APPL2: variants seen among roughly 807,000 people sequenced by gnomAD.
APPL2 encodes DCC-interacting protein 13-beta.
Under a neutral mutation model 92.7 loss-of-function variants are expected in APPL2, and 84 were observed. The ratio of observed to expected loss-of-function variants is 0.91; its 90% CI spans 0.76 to 1.09. The LOEUF (loss-of-function observed/expected upper bound fraction) is 1.09. APPL2 is among the 50% of genes least tolerant of loss of function. APPL2 has a pLI of 0.00. For synonymous variants in APPL2, 291 were observed against 291.0 expected (o/e 1.00, Z 0.00); for missense variants, 736 against 824.5 (o/e 0.89, Z 1.31).
At chr12:105,186,622 T>TATCTATCG (rs375988140) in intron 17 of APPL2, among the ~76,000 whole-genome samples, 1 of 125,678 alleles carries the variant, frequency 8.0e-6, no homozygotes, top group African/African-American at 3.3e-5. Flanking sequence ...ATATCATATA[T>TATCTATCG]ATATCATATA....
chr12:105,189,872 G>A (rs1489653939), intron 15 of APPL2, 48 bp from the exon 16 acceptor site: 2 of 1,612,236 alleles, frequency 1.2e-6, no homozygotes, highest in African/African-American at 2.7e-5. Context: ...GCAGCTAGAA[G>A]GGCACTTAAC....
At chr12:105,229,300 C>A in intron 1 of APPL2, 77 bp from the exon 2 acceptor site, 1 of 1,305,144 alleles carries the variant, frequency 7.7e-7, no homozygotes, top group South Asian at 1.3e-5. Flanking sequence ...ATCCACACAC[C>A]CGCACATGCA....
rs924197410 is a variant in APPL2 at position 105,217,556 on chromosome 12, A to G, written c.213+110T>C. ...AGGGAAAAGACAGGACAAAAAAACT[A>G]TGAAGAAAATGAAACAAATAATTTA... On this transcript the variant is annotated intron_variant, in intron 3 of 20. Coordinates refer to ENST00000258530, the MANE Select transcript of APPL2 (RefSeq NM_018171.5). 2.8e-6 allele frequency: 3 copies of G among 1,070,556 alleles called. No individual in the cohort carries two copies. In the African/African-American group the frequency reaches 4.8e-5, roughly 17 times the overall value. 66.3% of individuals were successfully genotyped at this position (1,070,556 alleles called of 1,614,324 possible).
At chr12:105,176,146 G>T (rs1023373932) in intron 19 of APPL2, 64 bp from the exon 20 acceptor site, 2 of 1,445,636 alleles carry the variant, frequency 1.4e-6, no homozygotes, top group East Asian at 4.7e-5. Flanking sequence ...TAGAACAAAT[G>T]TGATTTGGGA....
intron 17 of APPL2, among the ~76,000 whole-genome samples, chr12:105,184,515 TCTGCAGGTCTG>T (rs1202941916): frequency 6.6e-6 from 1 of 152,194 alleles, no homozygotes. Context: ...AGGCCCCTCT[TCTGCAGGTCTG>T]CTGCAGTTTG....
chr12:105,200,860 G>C (rs200689521), intron 9 of APPL2, among the ~76,000 whole-genome samples: 3,177 of 112,252 alleles, frequency 0.028, 46 homozygotes, highest in African/African-American at 0.058. Context: ...ATGTATGTAT[G>C]TATGTATCTA....
Position 105,195,247 on chromosome 12 carries a change from T to C in APPL2, c.1241+14A>G. On this transcript the variant is annotated intron_variant, in intron 14 of 20. Coordinates refer to ENST00000258530, the MANE Select transcript of APPL2 (RefSeq NM_018171.5). ...GGCTCCACAAAAGCTAGTTTTTCTTTGTCCTTTAGTTACCTGGGGCATGAG... is the reference window on the plus strand; with the variant it reads ...GGCTCCACAAAAGCTAGTTTTTCTTCGTCCTTTAGTTACCTGGGGCATGAG... 2.5e-6 allele frequency: 4 copies of C among 1,613,450 alleles called. No individual in the cohort carries two copies. The highest frequency in any genetic ancestry group is 3.4e-6 in the Non-Finnish European group (4 of 1,179,580).
intron 4 of APPL2, among the ~76,000 whole-genome samples, chr12:105,216,405 T>G (rs1889694333): frequency 1.3e-5 from 2 of 152,124 alleles, no homozygotes; most frequent in South Asian, 4.2e-4. Context: ...TGGGTTGAAC[T>G]GTGACCCTCC....
rs745577754 is a variant in APPL2 at position 105,177,217 on chromosome 12, G to C, written c.1671+9C>G. ...TAATCACTAACATGAACCTGTATGC[G>C]GTACTTACATTGGCCCTTGATACTT... On this transcript the variant is annotated intron_variant, in intron 18 of 20. Transcript: ENST00000258530. 4.3e-6 allele frequency: 7 copies of C among 1,613,470 alleles called. No homozygotes were observed. The East Asian group carries it at 1.3e-4, about 31-fold the overall frequency.
At chr12:105,211,887 G>A (rs371183002) in intron 4 of APPL2, among the ~76,000 whole-genome samples, 34 of 152,290 alleles carry the variant, frequency 2.2e-4, no homozygotes, top group Admixed American at 6.5e-4. Flanking sequence ...TTGGGAGGCT[G>A]AGGCAGGCGG....
Position 105,174,242 on chromosome 12 carries a change from T to A in APPL2, c.*72A>T, listed in dbSNP as rs1885254847. 10 of 1,549,948 alleles carry A rather than the reference T, an allele frequency of 6.5e-6. No homozygotes were observed. The highest frequency in any genetic ancestry group is 7.8e-6 in the Non-Finnish European group (9 of 1,147,476). On this transcript the variant is annotated 3_prime_UTR_variant, in exon 21 of 21. Transcript: ENST00000258530. ...CGGAAATCAGGTCAGTGTGCCTGTA[T>A]GTCAGAGACGTTAAAACCCTTAGGA... is the stretch of plus-strand genomic sequence containing the variant.
intron 5 of APPL2, 98 bp downstream of exon 5, chr12:105,211,122 AAGGCATTTCT>A (rs1458812635): frequency 1.1e-5 from 9 of 785,246 alleles, no homozygotes; most frequent in African/African-American, 5.2e-5. Context: ...CTCAAAAAGA[AAGGCATTTCT>A]CAGCGATCCA....
chr12:105,229,321 T>C (rs1437704848), intron 1 of APPL2, 98 bp from the exon 2 acceptor site: 3 of 1,143,378 alleles, frequency 2.6e-6, no homozygotes, highest in Non-Finnish European at 3.7e-6. Context: ...GAAACCAGAA[T>C]GCGAGGAAAG....
intron 4 of APPL2, 129 bp from the exon 5 acceptor site, chr12:105,211,446 G>A: frequency 1.6e-6 from 1 of 642,314 alleles, no homozygotes; most frequent in Non-Finnish European, 2.8e-6. Flanking sequence ...TCCTCAGCAA[G>A]TAAGTACCCT....
rs1566056424 is a variant in APPL2 at position 105,186,673 on chromosome 12, T to TATC, written c.1634+1599_1634+1600insGAT. Among the ~76,000 whole-genome samples the TATC allele has an allele frequency of 6.4e-3, 451 of 70,570 alleles. 2 individuals are homozygous for TATC. Among genetic ancestry groups the TATC allele is most frequent in the African/African-American group, 0.018 (386 of 21,300 alleles). The allele number at this position is 70,570 out of a possible 152,430, so 46.3% of individuals were successfully genotyped here. On this transcript the variant is annotated intron_variant, in intron 17 of 20. Transcript: ENST00000258530. ...ATCGATATCATATATATCATATATATGATATATCATATATATATCATATAT... is the reference window on the plus strand; with the variant it reads ...ATCGATATCATATATATCATATATATATCGATATATCATATATATATCATATAT...
chr12:105,188,224 G>C, intron 17 of APPL2, 49 bp downstream of exon 17: 7 of 1,592,648 alleles, frequency 4.4e-6, no homozygotes, highest in Non-Finnish European at 6.0e-6. Flanking sequence ...GCCTTAAAAG[G>C]GGAATTAGCT....
intron 8 of APPL2, among the ~76,000 whole-genome samples, chr12:105,206,333 A>G (rs1439780742): frequency 1.3e-5 from 2 of 152,162 alleles, no homozygotes; most frequent in African/African-American, 2.4e-5. Flanking sequence ...GTCAACTGAG[A>G]GAAGATTCCT....
At chr12:105,178,786 G>A (rs561693671) in intron 17 of APPL2, among the ~76,000 whole-genome samples, 1 of 152,224 alleles carries the variant, frequency 6.6e-6, no homozygotes, top group Admixed American at 6.5e-5. Flanking sequence ...AGTAGACAAA[G>A]CTTAAGAAAA....
At chr12:105,197,466 G>C (rs934410665) in intron 11 of APPL2, among the ~76,000 whole-genome samples, 2 of 152,184 alleles carry the variant, frequency 1.3e-5, no homozygotes, top group Non-Finnish European at 2.9e-5. Flanking sequence ...TTCTCTCTCT[G>C]AGAATCTATG....
Sources: allele counts gnomAD v4.1 joint callset (sites outside exome capture counted in the v4.1 genomes callset), GRCh38; gene constraint gnomAD v4.1.1; transcripts MANE v1.5; gene names NCBI Gene and HGNC (gene_info 2026-07-23, HGNC 2026-07-21).